XRCC2: variants seen among roughly 807,000 people sequenced by gnomAD.
XRCC2 encodes the protein DNA repair protein XRCC2.
XRCC2 carries 24 observed loss-of-function variants against 27.3 expected under a neutral mutation model. That is an observed-to-expected ratio of 0.88 (90% CI 0.64 to 1.24). XRCC2 has a LOEUF of 1.24. Among genes scored for constraint, XRCC2 ranks in the 50% most tolerant of loss-of-function variants. XRCC2 has a pLI of 0.00. For missense variants in XRCC2, 321 were observed against 325.8 expected, an observed-to-expected ratio of 0.99 and a Z score of 0.11; for synonymous variants, 106 against 115.4, an observed-to-expected ratio of 0.92 and a Z score of 0.52.
Position 152,648,818 on chromosome 7 carries a change from A to G in XRCC2, c.667T>C (p.Tyr223His), listed in dbSNP as rs587780130. 79 of 1,614,008 alleles carry G rather than the reference A, an allele frequency of 4.9e-5. No homozygotes were observed. Among genetic ancestry groups the G allele is most frequent in the Non-Finnish European group, 6.6e-5 (78 of 1,179,968 alleles). Residue 223 changes from tyrosine to histidine, a missense_variant, in exon 3 of 3, where the codon TAC (tyrosine) becomes CAC (histidine). Coordinates refer to ENST00000359321, the MANE Select transcript of XRCC2 (RefSeq NM_005431.2). ...SRRLCDVDID[Y>H]RPYLCKAWQQ... ...CATGCCTTACAGAGATAAGGTCTGT[A>G]GTCTATGTCCACATCACACAGTCGT...
intron 1 of XRCC2, among the ~76,000 whole-genome samples, chr7:152,673,831 G>C (rs909156424): frequency 6.6e-6 from 1 of 152,070 alleles, no homozygotes; most frequent in African/African-American, 2.4e-5. Context: ...AGCCAAGATC[G>C]CGCCACTGCA....
intron 1 of XRCC2, among the ~76,000 whole-genome samples, chr7:152,669,866 G>A (rs1481202229): frequency 6.6e-6 from 1 of 151,786 alleles, no homozygotes; most frequent in African/African-American, 2.4e-5. Flanking sequence ...GGGAGGCCGA[G>A]GTGAAAGGAT....
At chr7:152,649,735 C>A (rs1158393198) in intron 2 of XRCC2, among the ~76,000 whole-genome samples, 1 of 152,060 alleles carries the variant, frequency 6.6e-6, no homozygotes, top group Non-Finnish European at 1.5e-5. Flanking sequence ...AGTATAAAAC[C>A]CAATTTGATG....
Position 152,647,328 on chromosome 7 carries a change from A to C in XRCC2, c.*1314T>G, listed in dbSNP as rs1375286131. 6.7e-6 allele frequency: 1 copy of C among 150,038 alleles called. No individual in the cohort carries two copies. The highest frequency in any genetic ancestry group is 2.5e-5 in the African/African-American group (1 of 39,452). 9.3% of individuals were successfully genotyped at this position (150,038 alleles called of 1,614,324 possible). ...CTTTCTCAGATGCATAGTTTGCAAC[A>C]ATTTTCTCCCATTCTGTAAGCTGTC... On this transcript the variant is annotated 3_prime_UTR_variant, in exon 3 of 3. Transcript: ENST00000359321.
chr7:152,652,719 T>A (rs894911405), intron 2 of XRCC2, among the ~76,000 whole-genome samples: 6 of 152,214 alleles, frequency 3.9e-5, no homozygotes, highest in African/African-American at 1.4e-4. Context: ...CTTCATCAGT[T>A]ACCTTCTTCT....
intron 1 of XRCC2, among the ~76,000 whole-genome samples, chr7:152,670,323 C>A (rs2098037655): frequency 6.6e-6 from 1 of 152,188 alleles, no homozygotes; most frequent in South Asian, 2.1e-4. Context: ...GGCTTTGTTA[C>A]CAATTCCAAA....
At chr7:152,671,499 AT>A (rs2098038169) in intron 1 of XRCC2, among the ~76,000 whole-genome samples, 1 of 152,198 alleles carries the variant, frequency 6.6e-6, no homozygotes, top group Non-Finnish European at 1.5e-5. Flanking sequence ...ACAATCATAA[AT>A]TTAACATTGA....
intron 2 of XRCC2, among the ~76,000 whole-genome samples, chr7:152,654,949 A>C (rs2116993927): frequency 6.6e-6 from 1 of 152,342 alleles, no homozygotes; most frequent in South Asian, 2.1e-4. Context: ...TTACTGTTTG[A>C]TCCTCAAGAT....
chr7:152,669,836 G>T (rs2098037426), intron 1 of XRCC2, among the ~76,000 whole-genome samples: 1 of 151,484 alleles, frequency 6.6e-6, no homozygotes, highest in African/African-American at 2.4e-5. Flanking sequence ...CGTGGCTCAT[G>T]CCTGTAATCC....
At chr7:152,657,765 C>G (rs2098031306) in intron 2 of XRCC2, among the ~76,000 whole-genome samples, 1 of 152,198 alleles carries the variant, frequency 6.6e-6, no homozygotes, top group South Asian at 2.1e-4. Flanking sequence ...AAATTATGAT[C>G]TTACTTGTAA....
At chr7:152,667,428 A>AAAG (rs1554412463) in intron 1 of XRCC2, among the ~76,000 whole-genome samples, 12,703 of 77,344 alleles carry the variant, frequency 0.16, 1,063 homozygotes, top group Non-Finnish European at 0.18. Context: ...AAAAAAAAAG[A>AAAG]AAAAAAGTAT....
At chr7:152,665,510 T>TTTTTTTGA (rs869122513) in intron 1 of XRCC2, among the ~76,000 whole-genome samples, 1 of 143,612 alleles carries the variant, frequency 7.0e-6, no homozygotes. Context: ...TTTTTTTTTT[T>TTTTTTTGA]AGACAGGGTC....
chr7:152,654,734 T>TG (rs757252641), intron 2 of XRCC2, among the ~76,000 whole-genome samples: 6 of 135,868 alleles, frequency 4.4e-5, no homozygotes, highest in Non-Finnish European at 1.0e-4. Context: ...GCAAAGAAGT[T>TG]GAAGGTTAAA....
rs1721236508 is a variant in XRCC2 at position 152,647,261 on chromosome 7, T to G, written c.*1381A>C. 6.6e-6 allele frequency: 1 copy of G among 152,208 alleles called. No individual in the cohort carries two copies. The highest frequency in any genetic ancestry group is 6.5e-5 in the Admixed American group (1 of 15,276). The allele number at this position is 152,208 out of a possible 1,614,324, so 9.4% of individuals were successfully genotyped here. On this transcript the variant is annotated 3_prime_UTR_variant, in exon 3 of 3. Transcript: ENST00000359321. ...ACTTTTTAATGGGGTGGTTTTTTCT[T>G]CTAAATTTGTTTAAATTACGTATAG...
Position 152,660,786 on chromosome 7 carries a change from AT to A in XRCC2, c.40-5del, listed in dbSNP as rs2098032779. The A allele has an allele frequency of 2.5e-6, 4 of 1,603,336 alleles. No individual in the cohort carries two copies. The highest frequency in any genetic ancestry group is 3.4e-6 in the Non-Finnish European group (4 of 1,174,906). On this transcript the variant is annotated splice_region_variant and splice_polypyrimidine_tract_variant and intron_variant, in intron 1 of 2. Coordinates refer to ENST00000359321, the MANE Select transcript of XRCC2 (RefSeq NM_005431.2). ...TACCTTCAAGTCGGGCAAGGAGCTTATAAAAGAAGAGAGAAGGAAAACTCAT... is the reference window on the plus strand; with the variant it reads ...TACCTTCAAGTCGGGCAAGGAGCTTAAAAAGAAGAGAGAAGGAAAACTCAT...
chr7:152,652,580 C>A (rs2098029003), intron 2 of XRCC2, among the ~76,000 whole-genome samples: 1 of 151,982 alleles, frequency 6.6e-6, no homozygotes, highest in Admixed American at 6.6e-5. Context: ...CAAACTCTAT[C>A]ATCTCCCATC....
rs2098026213 is a variant in XRCC2 at position 152,646,910 on chromosome 7, A to G, written c.*1732T>C. 6.6e-6 allele frequency: 1 copy of G among 152,162 alleles called. No homozygotes were observed. Among genetic ancestry groups the G allele is most frequent in the Non-Finnish European group, 1.5e-5 (1 of 68,040 alleles). 9.4% of individuals were successfully genotyped at this position (152,162 alleles called of 1,614,324 possible). On this transcript the variant is annotated 3_prime_UTR_variant, in exon 3 of 3. Coordinates refer to ENST00000359321, the MANE Select transcript of XRCC2 (RefSeq NM_005431.2). ...ATGTGTCTTTATAACAATGATTTCT[A>G]TTCCTTTGGGTATATACCCAGTAAT...
chr7:152,661,316 T>C (rs184784414), intron 1 of XRCC2, among the ~76,000 whole-genome samples: 2 of 152,360 alleles, frequency 1.3e-5, no homozygotes, highest in Non-Finnish European at 2.9e-5. Context: ...GTTTAGGATA[T>C]AAGACAAACT....
chr7:152,655,805 G>T (rs1353025424), intron 2 of XRCC2, among the ~76,000 whole-genome samples: 2 of 152,076 alleles, frequency 1.3e-5, no homozygotes, highest in African/African-American at 4.8e-5. Flanking sequence ...GAGGTCAGGA[G>T]TTCAAGACCA....
Sources: allele counts gnomAD v4.1 joint callset (sites outside exome capture counted in the v4.1 genomes callset), GRCh38; gene constraint gnomAD v4.1.1; transcripts MANE v1.5; gene names NCBI Gene and HGNC (gene_info 2026-07-23, HGNC 2026-07-21).